The following HMGA2 variants were observed in gnomAD, a reference collection of about 807,000 sequenced individuals.
The protein encoded by HMGA2 is high mobility group protein HMGI-C.
Under a neutral mutation model 19.1 loss-of-function variants are expected in HMGA2, and 8 were observed. The observed-to-expected ratio is 0.42, with a 90% CI of 0.25 to 0.76. The LOEUF (loss-of-function observed/expected upper bound fraction) is 0.76, where lower values mean the gene tolerates loss of function less well. Among genes scored for constraint, HMGA2 ranks in the 30% least tolerant of loss-of-function variants. The pLI is 0.28. For missense variants in HMGA2, 109 were observed against 136.3 expected (o/e 0.80, Z 1.00); for synonymous variants, 60 against 48.8 (o/e 1.23, Z -0.96).
chr12:65,893,961 T>A (rs932658271), intron 3 of HMGA2, among the ~76,000 whole-genome samples: 9 of 152,208 alleles, frequency 5.9e-5, no homozygotes, highest in African/African-American at 1.9e-4. Context: ...ATTCACTTTT[T>A]TTGTAGACTT....
intron 3 of HMGA2, among the ~76,000 whole-genome samples, chr12:65,911,171 A>G (rs1279912588): frequency 6.6e-6 from 1 of 152,228 alleles, no homozygotes; most frequent in African/African-American, 2.4e-5. Context: ...CTCAATTGGT[A>G]TACTTTGATG....
At chr12:65,841,947 A>G (rs1037917153) in intron 3 of HMGA2, among the ~76,000 whole-genome samples, 3 of 151,688 alleles carry the variant, frequency 2.0e-5, no homozygotes, top group Non-Finnish European at 2.9e-5. Context: ...TGTTAACTAG[A>G]TTTGCTTAAG....
At chr12:65,902,693 G>A (rs949193969) in intron 3 of HMGA2, among the ~76,000 whole-genome samples, 1 of 152,162 alleles carries the variant, frequency 6.6e-6, no homozygotes, top group Non-Finnish European at 1.5e-5. Context: ...GGAACAGACA[G>A]TATGTTTTGG....
chr12:65,894,654 A>G (rs1334735824), intron 3 of HMGA2, among the ~76,000 whole-genome samples: 1 of 152,230 alleles, frequency 6.6e-6, no homozygotes, highest in Non-Finnish European at 1.5e-5. Flanking sequence ...TGTATTTGAG[A>G]AAGTATTGCA....
At chr12:65,952,304 AT>A (rs1876484570) in intron 4 of HMGA2, 3 of 1,325,956 alleles carry the variant, frequency 2.3e-6, no homozygotes, top group South Asian at 1.3e-5. Flanking sequence ...TATCCATGAA[AT>A]TTTTTTCCCT....
rs145262970 is a variant in HMGA2 at position 65,960,632 on chromosome 12, T to A, written c.283-2613T>A. Among the ~76,000 whole-genome samples, 505 of 152,252 alleles carry A rather than the reference T, an allele frequency of 3.3e-3. 8 individuals are homozygous for A. The highest frequency in any genetic ancestry group is 0.012 in the African/African-American group (492 of 41,556). On this transcript the variant is annotated intron_variant, in intron 4 of 4. Transcript: ENST00000403681. ...GAGAGAGCTCTCCACTAACTAGACA[T>A]TTGAGAAAACCATCATTCTGAGCAT...
At chr12:65,842,642 G>A in intron 3 of HMGA2, 1 of 1,534,784 alleles carries the variant, frequency 6.5e-7, no homozygotes, top group South Asian at 1.2e-5. Flanking sequence ...GCAGAGATTT[G>A]GTGTCATGTG....
intron 3 of HMGA2, among the ~76,000 whole-genome samples, chr12:65,853,615 C>T (rs530984162): frequency 5.9e-5 from 9 of 152,276 alleles, no homozygotes; most frequent in African/African-American, 2.2e-4. Context: ...TAGCCATTGA[C>T]TCGCTTAATC....
intron 3 of HMGA2, among the ~76,000 whole-genome samples, chr12:65,885,051 C>A (rs942625020): frequency 1.3e-5 from 2 of 152,124 alleles, no homozygotes; most frequent in Non-Finnish European, 2.9e-5. Flanking sequence ...TATAGAAAGT[C>A]TTCTCTTCTA....
chr12:65,891,011 A>T (rs1873882209), intron 3 of HMGA2, among the ~76,000 whole-genome samples: 1 of 152,180 alleles, frequency 6.6e-6, no homozygotes, highest in Admixed American at 6.5e-5. Flanking sequence ...GATTATAGGC[A>T]TGAGCCATAG....
chr12:65,929,038 A>G (rs1592451794), intron 3 of HMGA2, among the ~76,000 whole-genome samples: 1 of 152,312 alleles, frequency 6.6e-6, no homozygotes, highest in Middle Eastern at 3.4e-3. Context: ...GAATTGGTCT[A>G]TGCACAGCAA....
chr12:65,843,452 A>C (rs1871091745), intron 3 of HMGA2: 1 of 196,870 alleles, frequency 5.1e-6, no homozygotes, highest in African/African-American at 2.3e-5. Context: ...GTTTGTAGAA[A>C]TCTAGAAATT....
At chr12:65,863,400 T>C (rs1300477650) in intron 3 of HMGA2, among the ~76,000 whole-genome samples, 1 of 151,832 alleles carries the variant, frequency 6.6e-6, no homozygotes, top group Admixed American at 6.6e-5. Context: ...ACTGACTGCC[T>C]TGGCCTCAAA....
intron 4 of HMGA2, chr12:65,953,528 A>G (rs1200376574): frequency 6.6e-6 from 1 of 152,244 alleles, no homozygotes; most frequent in African/African-American, 2.4e-5. Flanking sequence ...TAATATGGCT[A>G]GAACTGATTG....
intron 3 of HMGA2, among the ~76,000 whole-genome samples, chr12:65,870,924 G>C (rs773636789): frequency 2.0e-5 from 3 of 152,114 alleles, no homozygotes; most frequent in Non-Finnish European, 4.4e-5. Flanking sequence ...GAACCTAAAC[G>C]CTTTGTGGTA....
intron 3 of HMGA2, among the ~76,000 whole-genome samples, chr12:65,938,020 G>T (rs1875954912): frequency 6.6e-6 from 1 of 152,248 alleles, no homozygotes; most frequent in East Asian, 1.9e-4. Flanking sequence ...TGGTGATGCT[G>T]GTCCCATTCC....
chr12:65,931,318 A>G (rs1160458959), intron 3 of HMGA2, among the ~76,000 whole-genome samples: 2 of 152,200 alleles, frequency 1.3e-5, no homozygotes, highest in Non-Finnish European at 2.9e-5. Flanking sequence ...ACATAATTTC[A>G]TTCTTTTTCT....
intron 2 of HMGA2, among the ~76,000 whole-genome samples, chr12:65,835,164 AC>A (rs1400665859): frequency 2.6e-5 from 4 of 152,214 alleles, no homozygotes; most frequent in African/African-American, 4.8e-5. Context: ...AACCAAATAT[AC>A]ACTTCTACAG....
intron 3 of HMGA2, among the ~76,000 whole-genome samples, chr12:65,891,330 A>G (rs1344934039): frequency 6.6e-6 from 1 of 152,206 alleles, no homozygotes. Flanking sequence ...ATAAATGAAC[A>G]CAAAGGAAAT....
Sources: allele counts gnomAD v4.1 joint callset (sites outside exome capture counted in the v4.1 genomes callset), GRCh38; gene constraint gnomAD v4.1.1; transcripts MANE v1.5; gene names NCBI Gene and HGNC (gene_info 2026-07-23, HGNC 2026-07-21).